VAT1L: variants seen among roughly 807,000 people sequenced by gnomAD.
The protein encoded by VAT1L is vesicle amine transport 1 like.
In VAT1L, 34 loss-of-function variants were observed where a neutral mutation model predicts 44.1. The observed-to-expected ratio is 0.77, with a 90% CI of 0.59 to 1.03. VAT1L has a LOEUF of 1.03. Ranked by LOEUF, VAT1L falls within the 50% of genes least tolerant of loss-of-function variation. The pLI is 0.00. For synonymous variants in VAT1L, 253 were observed against 202.2 expected, an observed-to-expected ratio of 1.25 and a Z score of -2.13; for missense variants, 615 against 538.8, an observed-to-expected ratio of 1.14 and a Z score of -1.40.
chr16:77,971,876 C>A lies in VAT1L; in HGVS notation c.1104C>A (p.His368Gln). The change falls in exon 8 of 9, where the codon CAC (histidine) becomes CAA (glutamine). Residue 368 changes from histidine to glutamine, a missense_variant. Physicochemically the swap from His to Gln is conservative, Grantham distance 24 (BLOSUM62 0). Coordinates refer to ENST00000302536, the MANE Select transcript of VAT1L (RefSeq NM_020927.3). Reference protein sequence around the residue: ...EEVKEAMQRIHDRGNIGKLIL... With the variant: ...EEVKEAMQRIQDRGNIGKLIL... ...TGAAGGAGGCCATGCAGCGGATTCA[C>A]GACCGAGGGAACATTGGCAAGTTAA... 5 of 1,613,730 alleles carry A rather than the reference C, an allele frequency of 3.1e-6. No individual in the cohort carries two copies. The highest frequency in any genetic ancestry group is 2.5e-6 in the Non-Finnish European group (3 of 1,179,798).
intron 7 of VAT1L, among the ~76,000 whole-genome samples, chr16:77,929,902 T>A (rs2017710065): frequency 6.6e-6 from 1 of 152,126 alleles, no homozygotes; most frequent in African/African-American, 2.4e-5. Flanking sequence ...CTCAGCAGGA[T>A]TACTTGAGTG....
chr16:77,892,533 C>T (rs2017278841), intron 7 of VAT1L: 1 of 576,476 alleles, frequency 1.7e-6, no homozygotes, highest in East Asian at 4.6e-5. Context: ...AAATTTCGTG[C>T]TCTAAGCCCT....
intron 8 of VAT1L, among the ~76,000 whole-genome samples, chr16:77,972,598 T>C (rs1783597023): frequency 6.6e-6 from 1 of 151,910 alleles, no homozygotes; most frequent in Non-Finnish European, 1.5e-5. Flanking sequence ...CTGGCCAAGA[T>C]GGTGAAACCC....
intron 7 of VAT1L, among the ~76,000 whole-genome samples, chr16:77,936,102 A>G (rs962876159): frequency 2.6e-5 from 4 of 152,186 alleles, no homozygotes; most frequent in African/African-American, 7.2e-5. Flanking sequence ...TGGGGAGACT[A>G]TCGCACCACT....
intron 7 of VAT1L, among the ~76,000 whole-genome samples, chr16:77,888,966 T>G (rs769601641): frequency 1.3e-5 from 2 of 152,218 alleles, no homozygotes; most frequent in Non-Finnish European, 2.9e-5. Flanking sequence ...CTGCCGGCTT[T>G]CTGCAATATC....
intron 1 of VAT1L, among the ~76,000 whole-genome samples, chr16:77,813,661 A>G (rs2016304406): frequency 2.6e-5 from 4 of 152,094 alleles, no homozygotes. Flanking sequence ...TGCTTCCCCA[A>G]AGCTCAGGTC....
At chr16:77,925,979 G>A (rs188198676) in intron 7 of VAT1L, among the ~76,000 whole-genome samples, 7 of 152,120 alleles carry the variant, frequency 4.6e-5, no homozygotes, top group Non-Finnish European at 8.8e-5. Context: ...AATAGGAGTC[G>A]GGGCCGGGTG....
intron 1 of VAT1L, among the ~76,000 whole-genome samples, chr16:77,809,171 C>T (rs2016219945): frequency 6.6e-6 from 1 of 152,162 alleles, no homozygotes; most frequent in South Asian, 2.1e-4. Flanking sequence ...CCTTAATGTG[C>T]TTTGGTTTTG....
intron 3 of VAT1L, among the ~76,000 whole-genome samples, chr16:77,857,836 C>CT (rs5818094): frequency 0.29 from 41,106 of 143,352 alleles, 6,099 homozygotes; most frequent in East Asian, 0.53. Context: ...TTATCTCTCT[C>CT]TTTTTTTTTT....
At chr16:77,967,433 C>G (rs1256847187) in intron 7 of VAT1L, among the ~76,000 whole-genome samples, 1 of 152,168 alleles carries the variant, frequency 6.6e-6, no homozygotes, top group East Asian at 1.9e-4. Flanking sequence ...AAGAATTAAT[C>G]AAGAACAATA....
chr16:77,966,934 A>T (rs1411282747), intron 7 of VAT1L, among the ~76,000 whole-genome samples: 2 of 1,192 alleles, frequency 1.7e-3, no homozygotes, highest in Non-Finnish European at 0.012. Context: ...GAGTACTTTA[A>T]AAAAAAAAAA....
Position 77,884,866 on chromosome 16 carries a change from C to A in VAT1L, c.1077+64C>A. The A allele has an allele frequency of 1.4e-6, 2 of 1,403,194 alleles. No homozygotes were observed. The highest frequency in any genetic ancestry group is 5.6e-5 in the East Asian group (2 of 35,718). The allele number at this position is 1,403,194 out of a possible 1,614,324, so 86.9% of individuals were successfully genotyped here. ...TTTTAACTCAGGAAGGTTTGGGCAG[C>A]CAAATACAATCTTCTACTAAATGAT... is the stretch of plus-strand genomic sequence containing the variant. On this transcript the variant is annotated intron_variant, in intron 7 of 8. Transcript: ENST00000302536. The surrounding 1 kb of genome is among the most constrained non-coding windows in gnomAD (Gnocchi z 4.5).
chr16:77,945,930 T>C (rs2017956526), intron 7 of VAT1L, among the ~76,000 whole-genome samples: 1 of 151,614 alleles, frequency 6.6e-6, no homozygotes, highest in Non-Finnish European at 1.5e-5. Context: ...GCCTCTGGAG[T>C]AGCTGGGATT....
rs760094165 is a variant in VAT1L at position 77,971,839 on chromosome 16, T to A, written c.1078-11T>A. 9.9e-6 allele frequency: 16 copies of A among 1,611,286 alleles called. No homozygotes were observed. Among genetic ancestry groups the A allele is most frequent in the Non-Finnish European group, 1.4e-5 (16 of 1,178,762 alleles). On this transcript the variant is annotated splice_polypyrimidine_tract_variant and intron_variant, in intron 7 of 8. Transcript: ENST00000302536. ...CTAACCAGCACCTCTGTTTCTCACC[T>A]TTTCGCGCAGGTGAAGGAGGCCATG...
At chr16:77,868,967 G>A (rs13337159) in intron 4 of VAT1L, among the ~76,000 whole-genome samples, 44,547 of 151,952 alleles carry the variant, frequency 0.29, 6,777 homozygotes, top group East Asian at 0.48. Context: ...ACTCTTGAAA[G>A]CTCTTAAATG....
chr16:77,931,286 G>T (rs1357623749), intron 7 of VAT1L, among the ~76,000 whole-genome samples: 1 of 152,146 alleles, frequency 6.6e-6, no homozygotes, highest in Non-Finnish European at 1.5e-5. Context: ...GAAATGAAAG[G>T]CTCTAGGCTT....
intron 3 of VAT1L, among the ~76,000 whole-genome samples, chr16:77,859,198 G>A (rs986207074): frequency 6.6e-6 from 1 of 151,808 alleles, no homozygotes; most frequent in Non-Finnish European, 1.5e-5. Context: ...TACTGGGGAG[G>A]CTGACGCAGG....
chr16:77,957,700 G>A (rs958963400), intron 7 of VAT1L, among the ~76,000 whole-genome samples: 34 of 151,330 alleles, frequency 2.2e-4, no homozygotes, highest in Admixed American at 1.3e-4. Flanking sequence ...AGTCCAGCCT[G>A]GCGACAGAAC....
intron 7 of VAT1L, among the ~76,000 whole-genome samples, chr16:77,889,857 C>T (rs2017244982): frequency 6.6e-6 from 1 of 152,044 alleles, no homozygotes; most frequent in Admixed American, 6.6e-5. Flanking sequence ...GAGGCTGAGG[C>T]AAGCAGTTCA....
Sources: gnomAD v4.1 joint callset for allele counts (sites outside exome capture counted in the v4.1 genomes callset) on GRCh38, gnomAD v4.1.1 for gene constraint, Gnocchi (gnomAD v3.1) non-coding constraint, MANE v1.5 for transcripts, NCBI Gene and HGNC (gene_info 2026-07-23, HGNC 2026-07-21) for gene names.